The following NAA11 variants were observed in gnomAD, a reference collection of about 807,000 sequenced individuals.
NAA11 encodes N-alpha-acetyltransferase 11.
A neutral mutation model predicts 16.1 loss-of-function variants in NAA11; 15 were observed. That is an observed-to-expected ratio of 0.93 (90% CI 0.62 to 1.44). The LOEUF (loss-of-function observed/expected upper bound fraction) is 1.44, where lower values mean the gene tolerates loss of function less well. Among genes scored for constraint, NAA11 ranks in the 40% most tolerant of loss-of-function variants. The pLI is 0.00. For missense variants in NAA11, 298 were observed against 291.3 expected, an observed-to-expected ratio of 1.02 and a Z score of -0.17; for synonymous variants, 122 against 112.4, an observed-to-expected ratio of 1.09 and a Z score of -0.54.
At chr4:79,159,481 G>A in the NAA11 span, among the ~76,000 whole-genome samples, 6 of 152,168 alleles carry the variant, frequency 3.9e-5, no homozygotes, top group Non-Finnish European at 8.8e-5. Flanking sequence ...TACACTGCTG[G>A]TGAGAATGTA....
At chr4:79,258,207 G>A (rs1722162871) in intron 2 of NAA11, among the ~76,000 whole-genome samples, 1 of 152,222 alleles carries the variant, frequency 6.6e-6, no homozygotes. Context: ...TGGCCATCCT[G>A]GACATAGCTG....
chr4:79,269,214 C>G (rs1267807230), intron 2 of NAA11, among the ~76,000 whole-genome samples: 2 of 149,120 alleles, frequency 1.3e-5, no homozygotes, highest in African/African-American at 5.0e-5. Flanking sequence ...TGGGTATATA[C>G]CCAGTAATGG....
chr4:79,193,161 C>G, the NAA11 span, among the ~76,000 whole-genome samples: 2 of 152,010 alleles, frequency 1.3e-5, no homozygotes, highest in African/African-American at 4.8e-5. Context: ...AAATTTTCTC[C>G]CACTCTGTAG....
the NAA11 span, among the ~76,000 whole-genome samples, chr4:79,157,607 A>G: frequency 6.6e-6 from 1 of 151,832 alleles, no homozygotes; most frequent in Non-Finnish European, 1.5e-5. Context: ...ATATACACAC[A>G]TATATATACA....
At chr4:79,260,106 C>G (rs1722215556) in intron 2 of NAA11, among the ~76,000 whole-genome samples, 2 of 152,146 alleles carry the variant, frequency 1.3e-5, no homozygotes, top group Admixed American at 6.5e-5. Context: ...ACTGCAGTTT[C>G]CAGTGAATCT....
At chr4:79,193,070 G>C in the NAA11 span, among the ~76,000 whole-genome samples, 1 of 151,296 alleles carries the variant, frequency 6.6e-6, no homozygotes, top group African/African-American at 2.4e-5. Flanking sequence ...CTTTTTGATG[G>C]GGTTGTTTTT....
the NAA11 span, among the ~76,000 whole-genome samples, chr4:79,214,136 TATGGTG>T: frequency 6.6e-6 from 1 of 152,198 alleles, no homozygotes; most frequent in Non-Finnish European, 1.5e-5. Context: ...GAGTATTTTT[TATGGTG>T]ATGACTTGCA....
At chr4:79,160,425 T>A in the NAA11 span, among the ~76,000 whole-genome samples, 1 of 152,226 alleles carries the variant, frequency 6.6e-6, no homozygotes, top group East Asian at 1.9e-4. Context: ...TGGTAACTTT[T>A]TGAGAAGCTG....
chr4:79,211,393 CAGAA>C, the NAA11 span, among the ~76,000 whole-genome samples: 1 of 151,730 alleles, frequency 6.6e-6, no homozygotes, highest in African/African-American at 2.4e-5. Flanking sequence ...ATGTGTGCTG[CAGAA>C]AGAAAGAGCA....
chr4:79,253,805 C>A (rs1384371807), intron 2 of NAA11, among the ~76,000 whole-genome samples: 1 of 152,132 alleles, frequency 6.6e-6, no homozygotes, highest in Non-Finnish European at 1.5e-5. Context: ...CTTATGCTGA[C>A]AAGGATGATC....
chr4:79,223,720 C>G (rs1174912918), downstream of NAA11, among the ~76,000 whole-genome samples: 3 of 150,306 alleles, frequency 2.0e-5, no homozygotes, highest in Non-Finnish European at 4.4e-5. Flanking sequence ...GGAGGTATAG[C>G]CAGAGTATTG....
At chr4:79,281,704 G>A (rs996221305) in intron 2 of NAA11, among the ~76,000 whole-genome samples, 3 of 152,114 alleles carry the variant, frequency 2.0e-5, no homozygotes, top group Admixed American at 6.6e-5. Context: ...GAATTAGCAT[G>A]TACACAATGA....
At chr4:79,311,298 T>C (rs1454962710) in intron 1 of NAA11, among the ~76,000 whole-genome samples, 1 of 152,220 alleles carries the variant, frequency 6.6e-6, no homozygotes, top group African/African-American at 2.4e-5. Context: ...CTTTACATTA[T>C]GAAAATAAAA....
At chr4:79,252,805 G>A (rs1722025477) in intron 2 of NAA11, among the ~76,000 whole-genome samples, 1 of 152,182 alleles carries the variant, frequency 6.6e-6, no homozygotes, top group African/African-American at 2.4e-5. Context: ...ATATCACACA[G>A]GTCCCTGAGG....
At chr4:79,307,256 C>T (rs529944733) in intron 1 of NAA11, 1 of 152,300 alleles carries the variant, frequency 6.6e-6, no homozygotes, top group East Asian at 1.9e-4. Context: ...TTTCAGTACA[C>T]TGTGCATCGA....
At chr4:79,215,807 C>T in the NAA11 span, among the ~76,000 whole-genome samples, 3 of 152,192 alleles carry the variant, frequency 2.0e-5, no homozygotes, top group South Asian at 6.2e-4. Flanking sequence ...TAGTTCTTAT[C>T]TCATAGAATT....
chr4:79,264,803 T>C lies in NAA11; in HGVS notation c.*122+29202A>G, dbSNP rs1245049924. On this transcript the variant is annotated intron_variant and NMD_transcript_variant, in intron 2 of 2. Coordinates refer to the NAA11 transcript ENST00000511542. The stretch of plus-strand genomic sequence containing the variant: ...CGGGTCTCAATCCTTGAAATTTTTC[T>C]AACCTACACTCATTTCATAGGTTAT... Among the ~76,000 whole-genome samples, 2 of 152,218 alleles carry C rather than the reference T, an allele frequency of 1.3e-5. 1 individual carries two copies. Among genetic ancestry groups the C allele is most frequent in the Admixed American group, 1.3e-4 (2 of 15,268 alleles).
intron 2 of NAA11, among the ~76,000 whole-genome samples, chr4:79,266,617 A>T (rs904140684): frequency 6.6e-6 from 1 of 152,166 alleles, no homozygotes; most frequent in Non-Finnish European, 1.5e-5. Flanking sequence ...ACGGTTTTGC[A>T]CTCTCCAACA....
At position 79,235,651 on chromosome 4, in the gene NAA11, G is replaced by A. The variant is rs182117950; in HGVS notation, c.*123-9381C>T. Among the ~76,000 whole-genome samples, 465 of 152,184 alleles carry A rather than the reference G, an allele frequency of 3.1e-3. 5 individuals are homozygous for A. Among genetic ancestry groups the A allele is most frequent in the African/African-American group, 0.01 (436 of 41,556 alleles). On this transcript the variant is annotated intron_variant and NMD_transcript_variant, in intron 2 of 2. Transcript: ENST00000511542. The stretch of plus-strand genomic sequence containing the variant: ...ACAGGATAGTTACTGACAATTTTGG[G>A]AAATCAGAACTTTAACAATTTCACC...
Sources: allele counts gnomAD v4.1 joint callset (sites outside exome capture counted in the v4.1 genomes callset), GRCh38; gene constraint gnomAD v4.1.1; transcripts MANE v1.5; gene names NCBI Gene and HGNC (gene_info 2026-07-23, HGNC 2026-07-21).